The following MTUS2 variants were observed in gnomAD, a reference collection of about 807,000 sequenced individuals.
MTUS2 encodes microtubule-associated tumor suppressor candidate 2.
In MTUS2, 40 loss-of-function variants were observed where a neutral mutation model predicts 114.1. The observed-to-expected ratio is 0.35, with a 90% CI of 0.27 to 0.46. MTUS2 has a LOEUF of 0.46. Among genes scored for constraint, MTUS2 ranks in the 20% least tolerant of loss-of-function variants. The probability of loss-of-function intolerance (pLI) is 1.00; values close to 1 mark genes in which losing one functional copy is unlikely to be tolerated. For missense variants in MTUS2, 1,679 were observed against 1,705.4 expected, an observed-to-expected ratio of 0.98 and a Z score of 0.27; for synonymous variants, 688 against 672.0, an observed-to-expected ratio of 1.02 and a Z score of -0.37.
At chr13:28,856,337 G>A (rs1483775804) in intron 2 of MTUS2, among the ~76,000 whole-genome samples, 1 of 152,218 alleles carries the variant, frequency 6.6e-6, no homozygotes, top group Non-Finnish European at 1.5e-5. Flanking sequence ...GGAAGTCCCA[G>A]ATTGTGCATA....
At chr13:29,269,007 A>G (rs1164650169) in intron 5 of MTUS2, among the ~76,000 whole-genome samples, 1 of 152,138 alleles carries the variant, frequency 6.6e-6, no homozygotes, top group Non-Finnish European at 1.5e-5. Flanking sequence ...GCTATTTTAT[A>G]TTTATTGTCT....
chr13:29,031,237 G>GGTGTGTGT (rs59288953), intron 3 of MTUS2, among the ~76,000 whole-genome samples: 11,958 of 122,892 alleles, frequency 0.097, 753 homozygotes, highest in African/African-American at 0.15. Flanking sequence ...AGAACTAATA[G>GGTGTGTGT]GTGTGTGTGT....
At chr13:28,970,689 G>T (rs1048217109) in intron 2 of MTUS2, among the ~76,000 whole-genome samples, 3 of 152,208 alleles carry the variant, frequency 2.0e-5, no homozygotes, top group African/African-American at 7.2e-5. Flanking sequence ...TGAGAAGAAA[G>T]ATTTGAAAAC....
At chr13:28,872,490 A>G (rs9550409) in intron 2 of MTUS2, among the ~76,000 whole-genome samples, 90 of 152,228 alleles carry the variant, frequency 5.9e-4, no homozygotes, top group African/African-American at 2.1e-3. Flanking sequence ...TATAAAGGAA[A>G]AAATATTTAT....
intron 3 of MTUS2, among the ~76,000 whole-genome samples, chr13:29,027,963 C>G (rs920945777): frequency 2.6e-5 from 4 of 152,260 alleles, no homozygotes; most frequent in African/African-American, 7.2e-5. Flanking sequence ...CTGCACTGTG[C>G]TGTCCTTTTT....
intron 6 of MTUS2, among the ~76,000 whole-genome samples, chr13:29,314,217 C>T (rs1391595309): frequency 6.6e-6 from 1 of 152,094 alleles, no homozygotes. Flanking sequence ...ATTGAGGGCT[C>T]CAGGAAGAAT....
At chr13:28,965,847 A>G (rs1159481529) in intron 2 of MTUS2, among the ~76,000 whole-genome samples, 1 of 152,208 alleles carries the variant, frequency 6.6e-6, no homozygotes, top group Admixed American at 6.5e-5. Flanking sequence ...GCTCACCCAC[A>G]TTATGGAGCA....
chr13:29,461,247 G>T (rs1418374933), intron 9 of MTUS2, among the ~76,000 whole-genome samples: 1 of 152,134 alleles, frequency 6.6e-6, no homozygotes, highest in East Asian at 1.9e-4. Context: ...TCACTCCCAT[G>T]ATAACCCTCT....
chr13:29,498,254 C>T (rs1475349315), intron 13 of MTUS2, among the ~76,000 whole-genome samples, 164 bp from the exon 14 acceptor site: 1 of 152,194 alleles, frequency 6.6e-6, no homozygotes, highest in Non-Finnish European at 1.5e-5. Context: ...ACTAGCAGGG[C>T]CCCTTTATCA....
chr13:29,304,864 C>T (rs113088576), intron 6 of MTUS2, among the ~76,000 whole-genome samples: 4 of 152,104 alleles, frequency 2.6e-5, no homozygotes, highest in Non-Finnish European at 5.9e-5. Flanking sequence ...GGCACTTACT[C>T]TAAAATTGAT....
chr13:29,031,258 G>GTC (rs1555287217), intron 3 of MTUS2, among the ~76,000 whole-genome samples: 3 of 149,030 alleles, frequency 2.0e-5, no homozygotes, highest in African/African-American at 7.4e-5. Flanking sequence ...GTGTGTGTGT[G>GTC]TGTGTGTGTG....
intron 9 of MTUS2, among the ~76,000 whole-genome samples, chr13:29,470,927 C>T (rs543848219): frequency 2.0e-4 from 31 of 152,360 alleles, no homozygotes; most frequent in African/African-American, 7.2e-4. Context: ...ATGGTGTCTT[C>T]TCCGAACAGC....
At chr13:28,894,304 G>GA (rs1566203662) in intron 2 of MTUS2, among the ~76,000 whole-genome samples, 167 of 6,074 alleles carry the variant, frequency 0.027, 22 homozygotes, top group Middle Eastern at 0.056. Context: ...GAGAGAGAGA[G>GA]GGGGGGGGGG....
chr13:28,882,274 C>A (rs1003601706), intron 2 of MTUS2, among the ~76,000 whole-genome samples: 1 of 152,136 alleles, frequency 6.6e-6, no homozygotes, highest in African/African-American at 2.4e-5. Context: ...TCTCAAACTT[C>A]TGACTTCAAG....
At chr13:29,187,291 T>C (rs1894266168) in intron 5 of MTUS2, among the ~76,000 whole-genome samples, 2 of 151,954 alleles carry the variant, frequency 1.3e-5, no homozygotes, top group African/African-American at 4.8e-5. Flanking sequence ...AAAAACATTA[T>C]AGAAAATGAA....
rs555752595 is a variant in MTUS2 at position 29,339,318 on chromosome 13, G to A, written c.2905+14607G>A. 1.9e-3 allele frequency among the ~76,000 whole-genome samples: 293 copies of A among 152,282 alleles called. 1 individual carries two copies. Among genetic ancestry groups the A allele is most frequent in the African/African-American group, 6.7e-3 (280 of 41,566 alleles). On this transcript the variant is annotated intron_variant, in intron 7 of 15. Coordinates refer to ENST00000612955, the MANE Select transcript of MTUS2 (RefSeq NM_001033602.4). ...CTTCTTCTGAGCGGCCCAGGCCTGG[G>A]CACAAAGGCGGGGACCTCTCCATGT...
At chr13:29,310,159 C>T (rs1899686983) in intron 6 of MTUS2, among the ~76,000 whole-genome samples, 1 of 152,176 alleles carries the variant, frequency 6.6e-6, no homozygotes, top group African/African-American at 2.4e-5. Flanking sequence ...CGCTCTTAAT[C>T]CACAGTCCCA....
At chr13:29,246,895 T>TAAAAAAAAA (rs56102503) in intron 5 of MTUS2, among the ~76,000 whole-genome samples, 1 of 136,780 alleles carries the variant, frequency 7.3e-6, no homozygotes, top group African/African-American at 2.8e-5. Flanking sequence ...TTCACATAAC[T>TAAAAAAAAA]AAAAAAAAAA....
intron 8 of MTUS2, among the ~76,000 whole-genome samples, chr13:29,416,565 A>G (rs1374128948): frequency 1.3e-5 from 2 of 152,002 alleles, no homozygotes; most frequent in Admixed American, 6.5e-5. Context: ...CCAGTCACCT[A>G]TCAGGTGAAT....
Sources: allele counts gnomAD v4.1 joint callset (sites outside exome capture counted in the v4.1 genomes callset), GRCh38; gene constraint gnomAD v4.1.1; transcripts MANE v1.5; gene names NCBI Gene and HGNC (gene_info 2026-07-23, HGNC 2026-07-21).